The following VGLL4 variants were observed in gnomAD, a reference collection of about 807,000 sequenced individuals.
VGLL4 encodes the protein transcription cofactor vestigial-like protein 4.
Under a neutral mutation model 21.0 loss-of-function variants are expected in VGLL4, and 7 were observed. The ratio of observed to expected loss-of-function variants is 0.33; its 90% CI spans 0.19 to 0.63. The LOEUF is 0.63. Among genes scored for constraint, VGLL4 ranks in the 20% least tolerant of loss-of-function variants. The probability of loss-of-function intolerance (pLI) is 0.78; values close to 1 mark genes in which losing one functional copy is unlikely to be tolerated. For missense variants in VGLL4, 394 were observed against 425.7 expected (o/e 0.93, Z 0.66); for synonymous variants, 222 against 173.2 (o/e 1.28, Z -2.21).
At chr3:11,714,106 A>G (rs1575557151) in intron 1 of VGLL4, among the ~76,000 whole-genome samples, 1 of 152,342 alleles carries the variant, frequency 6.6e-6, no homozygotes, top group East Asian at 1.9e-4. Context: ...CACAGACTGT[A>G]TGAAAGTTGA....
At chr3:11,701,698 G>A (rs9882768) in intron 2 of VGLL4, among the ~76,000 whole-genome samples, 66,272 of 152,038 alleles carry the variant, frequency 0.44, 15,381 homozygotes, top group Non-Finnish European at 0.53. Flanking sequence ...AGCCAGTAGA[G>A]AGGTAGACCT....
intron 2 of VGLL4, among the ~76,000 whole-genome samples, chr3:11,599,523 TTC>T (rs1390776614): frequency 9.5e-5 from 1 of 10,522 alleles, no homozygotes; most frequent in East Asian, 1.9e-3. Flanking sequence ...CAAAATTATT[TTC>T]TTTTTTTTTT....
chr3:11,604,889 C>T lies in VGLL4; in HGVS notation c.83-2867G>A, dbSNP rs1015508972. Among the ~76,000 whole-genome samples the T allele has an allele frequency of 2.8e-4, 41 of 143,894 alleles. 5 individuals carry two copies. In the South Asian group the frequency reaches 3.4e-3, roughly 12 times the overall value. The allele number at this position is 143,894 out of a possible 152,430, so 94.4% of individuals were successfully genotyped here. ...GGTATGTACCTCAGATGTTATTCATCGAAAAAAACAAGGGTGACCCTGGGG... is the reference window on the plus strand; with the variant it reads ...GGTATGTACCTCAGATGTTATTCATTGAAAAAAACAAGGGTGACCCTGGGG... On this transcript the variant is annotated intron_variant, in intron 1 of 4. Coordinates refer to ENST00000430365, the MANE Select transcript of VGLL4 (RefSeq NM_001128219.3).
chr3:11,568,558 C>T lies in VGLL4; in HGVS notation c.273-3539G>A, dbSNP rs1045529512. On this transcript the variant is annotated intron_variant, in intron 2 of 4. Transcript: ENST00000430365. The surrounding 1 kb of genome is among the most constrained non-coding windows in gnomAD (Gnocchi z 5.9). ...AGACACTGAAAACAGCGAGAAAAGG[C>T]CTGGAGAACTGGCTGGTTAATTTTA... The T allele has an allele frequency of 6.4e-7, 1 of 1,552,728 alleles. No individual in the cohort carries two copies. Among genetic ancestry groups the T allele is most frequent in the Non-Finnish European group, 8.7e-7 (1 of 1,146,902 alleles).
chr3:11,703,033 A>C (rs1382638404), exon 2 of VGLL4: 1 of 1,611,270 alleles, frequency 6.2e-7, no homozygotes, highest in Admixed American at 1.7e-5. Context: ...TGGCGTCTCC[A>C]TTCCTGGTTG....
chr3:11,679,598 G>A (rs1043581373), intron 2 of VGLL4, among the ~76,000 whole-genome samples: 2 of 152,104 alleles, frequency 1.3e-5, no homozygotes, highest in Non-Finnish European at 2.9e-5. Context: ...CAGGAGAACT[G>A]CTTGAACCTG....
At chr3:11,639,132 G>A (rs1204622501) in intron 1 of VGLL4, among the ~76,000 whole-genome samples, 2 of 152,170 alleles carry the variant, frequency 1.3e-5, no homozygotes, top group African/African-American at 4.8e-5. Flanking sequence ...CATAATTAAA[G>A]TATCGCTACC....
chr3:11,638,657 T>C (rs962637814), intron 1 of VGLL4, among the ~76,000 whole-genome samples: 5 of 152,046 alleles, frequency 3.3e-5, no homozygotes, highest in African/African-American at 1.2e-4. Flanking sequence ...TCGGAATACA[T>C]CCCAGATCAA....
At chr3:11,661,068 G>A (rs906383532) in intron 2 of VGLL4, among the ~76,000 whole-genome samples, 1 of 152,132 alleles carries the variant, frequency 6.6e-6, no homozygotes, top group East Asian at 1.9e-4. Context: ...CTAGTTGATC[G>A]ATTCAAACAC....
At chr3:11,681,701 T>C (rs2076373582) in intron 2 of VGLL4, among the ~76,000 whole-genome samples, 1 of 152,246 alleles carries the variant, frequency 6.6e-6, no homozygotes. Flanking sequence ...ATCTTTTTAA[T>C]GAAGGAAGGG....
In VGLL4 at chr3:11,565,469, C is replaced by T. The variant is rs2073433890; in HGVS notation, c.273-450G>A. On this transcript the variant is annotated intron_variant, in intron 2 of 4. Coordinates refer to ENST00000430365, the MANE Select transcript of VGLL4 (RefSeq NM_001128219.3). This position sits in a 1 kb window ranked among gnomAD's most constrained non-coding sequence, Gnocchi z 4.1. ...TCCACAGCACTGCTCAGCCCATCTTCCTCACAGTACTGCTCAGCCCGTCTT... is the reference window on the plus strand; with the variant it reads ...TCCACAGCACTGCTCAGCCCATCTTTCTCACAGTACTGCTCAGCCCGTCTT... 6.6e-6 allele frequency among the ~76,000 whole-genome samples: 1 copy of T among 152,150 alleles called. No homozygotes were observed. The highest frequency in any genetic ancestry group is 2.4e-5 in the African/African-American group (1 of 41,434).
intron 2 of VGLL4, among the ~76,000 whole-genome samples, chr3:11,688,404 C>CT (rs2076481210): frequency 6.6e-6 from 1 of 152,154 alleles, no homozygotes; most frequent in South Asian, 2.1e-4. Flanking sequence ...CCTCACATCT[C>CT]TGACTACTTG....
chr3:11,574,787 G>GTGTGTA (rs2073984060), intron 2 of VGLL4, among the ~76,000 whole-genome samples: 1 of 60,974 alleles, frequency 1.6e-5, no homozygotes, highest in South Asian at 4.3e-4. Flanking sequence ...AACTATATAT[G>GTGTGTA]TGTGTGTGTG....
chr3:11,620,498 C>G (rs2075245289), intron 1 of VGLL4, among the ~76,000 whole-genome samples: 1 of 152,080 alleles, frequency 6.6e-6, no homozygotes, highest in Admixed American at 6.6e-5. Context: ...ACCCCAGGGC[C>G]GCTAAAGTAA....
chr3:11,652,761 G>A (rs1480592173), intron 2 of VGLL4, among the ~76,000 whole-genome samples: 1 of 152,144 alleles, frequency 6.6e-6, no homozygotes, highest in African/African-American at 2.4e-5. Context: ...AATTTAATTA[G>A]ATTAGCATCC....
upstream of VGLL4, among the ~76,000 whole-genome samples, chr3:11,648,652 G>A (rs971908029): frequency 3.3e-5 from 5 of 152,138 alleles, no homozygotes; most frequent in South Asian, 2.1e-4. Context: ...TACAGTGAAG[G>A]ATAAATGTTC....
intron 2 of VGLL4, among the ~76,000 whole-genome samples, chr3:11,601,066 C>A (rs1355812062): frequency 1.3e-5 from 2 of 152,092 alleles, no homozygotes; most frequent in Non-Finnish European, 2.9e-5. Context: ...AGGGTGTGTG[C>A]CGAGAGGAGA....
chr3:11,681,273 A>G (rs1260697039), intron 2 of VGLL4, among the ~76,000 whole-genome samples: 4 of 151,994 alleles, frequency 2.6e-5, no homozygotes, highest in Non-Finnish European at 5.9e-5. Context: ...AATTTTTTGT[A>G]TTTTTAGTAG....
chr3:11,638,649 G>A (rs367638710), intron 1 of VGLL4, among the ~76,000 whole-genome samples: 2 of 152,004 alleles, frequency 1.3e-5, no homozygotes, highest in Admixed American at 6.6e-5. Context: ...GTTCTACCTC[G>A]GAATACATCC....
Sources: allele counts gnomAD v4.1 joint callset (sites outside exome capture counted in the v4.1 genomes callset), GRCh38; gene constraint gnomAD v4.1.1; non-coding constraint Gnocchi (gnomAD v3.1); transcripts MANE v1.5; gene names NCBI Gene and HGNC (gene_info 2026-07-23, HGNC 2026-07-21).